DOCK4: variants seen among roughly 807,000 people sequenced by gnomAD.
The protein encoded by DOCK4 is dedicator of cytokinesis protein 4.
A neutral mutation model predicts 268.1 loss-of-function variants in DOCK4; 97 were observed. The ratio of observed to expected loss-of-function variants is 0.36; its 90% confidence interval spans 0.31 to 0.43. The LOEUF is 0.43. Ranked by LOEUF, DOCK4 falls within the 20% of genes least tolerant of loss-of-function variation. The pLI is 1.00. For synonymous variants in DOCK4, 954 were observed against 887.2 expected (o/e 1.08, Z -1.34); for missense variants, 2,145 against 2,455.7 (o/e 0.87, Z 2.67).
intron 12 of DOCK4, among the ~76,000 whole-genome samples, chr7:111,930,745 T>C (rs969732681): frequency 6.6e-6 from 1 of 152,202 alleles, no homozygotes; most frequent in Non-Finnish European, 1.5e-5. Flanking sequence ...AAGCCATGAA[T>C]GTGCCTCCCT....
At chr7:111,816,148 C>CA (rs1254041720) in intron 27 of DOCK4, among the ~76,000 whole-genome samples, 1 of 152,188 alleles carries the variant, frequency 6.6e-6, no homozygotes, top group Non-Finnish European at 1.5e-5. Context: ...CTCTCACTCT[C>CA]ATCCAGGAAA....
At chr7:112,128,618 C>A (rs1252722148) in intron 1 of DOCK4, among the ~76,000 whole-genome samples, 1 of 152,210 alleles carries the variant, frequency 6.6e-6, no homozygotes, top group Non-Finnish European at 1.5e-5. Context: ...ACCTTACCCC[C>A]AACCCTGTGC....
At position 111,951,820 on chromosome 7, in the gene DOCK4, C is replaced by T. The variant is rs143809015; in HGVS notation, c.702-6022G>A. 3.2e-3 allele frequency among the ~76,000 whole-genome samples: 493 copies of T among 151,998 alleles called. 1 individual carries two copies. Among genetic ancestry groups the T allele is most frequent in the African/African-American group, 0.012 (478 of 41,442 alleles). Reference sequence around the variant, plus strand: ...TCAAGGCTGCAGTGAGCCATGATCGCACCACTGTACTCCAGTGGGGTGTAC... The same window carrying T: ...TCAAGGCTGCAGTGAGCCATGATCGTACCACTGTACTCCAGTGGGGTGTAC... On this transcript the variant is annotated intron_variant, in intron 8 of 52. Transcript: ENST00000428084.
chr7:111,847,340 G>A (rs1374629198), intron 23 of DOCK4, among the ~76,000 whole-genome samples: 1 of 152,200 alleles, frequency 6.6e-6, no homozygotes, highest in Non-Finnish European at 1.5e-5. Context: ...ACTTTTAGGT[G>A]AAATAGATAT....
rs138385345 is a variant in DOCK4 at position 111,856,248 on chromosome 7, T to C, written c.2473+7124A>G. Among the ~76,000 whole-genome samples the C allele has an allele frequency of 1.3e-3, 198 of 152,228 alleles. 1 individual carries two copies. The highest frequency in any genetic ancestry group is 1.8e-3 in the Non-Finnish European group (125 of 68,012). On this transcript the variant is annotated intron_variant, in intron 23 of 52. Coordinates refer to ENST00000428084, the MANE Select transcript of DOCK4 (RefSeq NM_001363540.2). Reference sequence around the variant, plus strand: ...ATCCGCATTGAGAAGTTCAGAAACATAGTAAGAGAACTAAGTTGAAAGGGA... The same window carrying C: ...ATCCGCATTGAGAAGTTCAGAAACACAGTAAGAGAACTAAGTTGAAAGGGA...
chr7:112,195,638 C>T (rs1006531026), intron 1 of DOCK4, among the ~76,000 whole-genome samples: 1 of 151,898 alleles, frequency 6.6e-6, no homozygotes, highest in Non-Finnish European at 1.5e-5. Flanking sequence ...ACATGCATCC[C>T]CACGTTCCCA....
At chr7:111,799,104 T>C (rs1450001965) in intron 30 of DOCK4, among the ~76,000 whole-genome samples, 2 of 152,126 alleles carry the variant, frequency 1.3e-5, no homozygotes, top group African/African-American at 2.4e-5. Flanking sequence ...GAAGGCTCCA[T>C]AAAAGAAATT....
intron 5 of DOCK4, 136 bp from the exon 6 acceptor site, chr7:111,989,299 G>T: frequency 8.5e-7 from 1 of 1,180,054 alleles, no homozygotes; most frequent in Non-Finnish European, 1.2e-6. Context: ...TCCGTGAACA[G>T]ACAAACTGTT....
At chr7:111,962,413 T>C (rs1345135422) in intron 8 of DOCK4, among the ~76,000 whole-genome samples, 1 of 152,202 alleles carries the variant, frequency 6.6e-6, no homozygotes, top group East Asian at 1.9e-4. Context: ...ACTATTATTA[T>C]CTCTACTTAT....
At chr7:112,074,413 C>A (rs890376481) in intron 1 of DOCK4, among the ~76,000 whole-genome samples, 1 of 152,188 alleles carries the variant, frequency 6.6e-6, no homozygotes, top group Non-Finnish European at 1.5e-5. Flanking sequence ...GGCATTTATT[C>A]TTCTGTGTCG....
At chr7:111,797,236 A>G (rs532337232) in intron 30 of DOCK4, among the ~76,000 whole-genome samples, 16 of 152,292 alleles carry the variant, frequency 1.1e-4, no homozygotes, top group Admixed American at 9.1e-4. Context: ...TAGCAATCTT[A>G]TCAGACAGAG....
chr7:111,789,113 T>G (rs987921117), intron 31 of DOCK4: 1 of 247,536 alleles, frequency 4.0e-6, no homozygotes, highest in Non-Finnish European at 8.0e-6. Context: ...TATAAGGACA[T>G]CAGGAAACTA....
chr7:112,201,797 G>C (rs1587050260), intron 1 of DOCK4, among the ~76,000 whole-genome samples: 1 of 152,012 alleles, frequency 6.6e-6, no homozygotes, highest in South Asian at 2.1e-4. Flanking sequence ...TGTTCCCCCT[G>C]TCTCACCAAA....
chr7:111,983,844 ACGCGCGCG>A (rs57929541), intron 7 of DOCK4, among the ~76,000 whole-genome samples: 2,877 of 138,942 alleles, frequency 0.021, 49 homozygotes, highest in East Asian at 0.041. Flanking sequence ...GTACACACAC[ACGCGCGCG>A]CGCGCGCGCG....
intron 8 of DOCK4, among the ~76,000 whole-genome samples, chr7:111,964,152 TCTC>T (rs1337259159): frequency 6.8e-6 from 1 of 146,232 alleles, no homozygotes; most frequent in Admixed American, 6.7e-5. Flanking sequence ...GCAGAGCGCC[TCTC>T]CTCCTCCAAA....
At chr7:111,956,388 ATC>A (rs780300712) in intron 8 of DOCK4, among the ~76,000 whole-genome samples, 3 of 152,192 alleles carry the variant, frequency 2.0e-5, no homozygotes, top group Non-Finnish European at 4.4e-5. Context: ...AGTATAATAA[ATC>A]GTTCATGCAT....
intron 35 of DOCK4, among the ~76,000 whole-genome samples, chr7:111,779,082 A>T (rs1180454065): frequency 6.6e-6 from 1 of 151,878 alleles, no homozygotes; most frequent in East Asian, 1.9e-4. Flanking sequence ...TCTCTAAAAA[A>T]AAAAAATAAA....
chr7:112,089,316 A>G (rs1254332449), intron 1 of DOCK4, among the ~76,000 whole-genome samples: 5 of 152,118 alleles, frequency 3.3e-5, no homozygotes, highest in Admixed American at 2.0e-4. Flanking sequence ...ATATATAATC[A>G]ATACAAAAAA....
intron 17 of DOCK4, 114 bp from the exon 18 acceptor site, chr7:111,872,678 C>A: frequency 1.3e-6 from 1 of 788,032 alleles, no homozygotes; most frequent in Non-Finnish European, 2.0e-6. Context: ...CTCTCCTAGC[C>A]ACTCAAGTTG....
Sources: allele counts gnomAD v4.1 joint callset (sites outside exome capture counted in the v4.1 genomes callset), GRCh38; gene constraint gnomAD v4.1.1; transcripts MANE v1.5; gene names NCBI Gene and HGNC (gene_info 2026-07-23, HGNC 2026-07-21).